Variants in NOL4 observed in about 807,000 individuals in gnomAD.
NOL4 encodes the protein nucleolar protein 4.
NOL4 carries 17 observed loss-of-function variants against 75.9 expected under a neutral mutation model. The ratio of observed to expected loss-of-function variants is 0.22; its 90% CI spans 0.15 to 0.34. The LOEUF (loss-of-function observed/expected upper bound fraction) is 0.34, where lower values mean the gene tolerates loss of function less well. NOL4 is among the 10% of genes least tolerant of loss of function. The pLI, the probability that NOL4 is intolerant of heterozygous loss-of-function variation, is 1.00. For missense variants in NOL4, 614 were observed against 793.5 expected (o/e 0.77, Z 2.72); for synonymous variants, 292 against 289.9 (o/e 1.01, Z -0.07).
intron 6 of NOL4, among the ~76,000 whole-genome samples, chr18:34,002,389 GC>G (rs1299544837): frequency 1.3e-5 from 2 of 151,986 alleles, no homozygotes; most frequent in African/African-American, 4.8e-5. Flanking sequence ...AGAATGCAAA[GC>G]TTCTTTCTTG....
intron 6 of NOL4, among the ~76,000 whole-genome samples, chr18:33,969,706 G>A (rs1439263488): frequency 7.0e-6 from 1 of 143,658 alleles, no homozygotes; most frequent in Non-Finnish European, 1.5e-5. Flanking sequence ...ATCAATTTTG[G>A]ACAAATAAGT....
At chr18:34,175,470 T>G (rs2033460712) in intron 1 of NOL4, among the ~76,000 whole-genome samples, 1 of 152,186 alleles carries the variant, frequency 6.6e-6, no homozygotes, top group Non-Finnish European at 1.5e-5. Flanking sequence ...CTTGAAACTC[T>G]GCAGCATATT....
At chr18:34,164,403 AC>A (rs1402979447) in intron 1 of NOL4, among the ~76,000 whole-genome samples, 5 of 152,198 alleles carry the variant, frequency 3.3e-5, no homozygotes, top group Admixed American at 6.5e-5. Context: ...AAGAAAAAAA[AC>A]AAACAATCCC....
chr18:34,223,194 C>T lies in NOL4; in HGVS notation c.60G>A (p.Gly20=), dbSNP rs1444556172. Residue 20 remains glycine, a synonymous_variant, in exon 1 of 11, where the codon GGG becomes GGA. Transcript: ENST00000261592. ...TCACCGTCTTGGTCTTGCCTGAGTC[C>T]CCGTAAGTCCTGAGGCACCAGTCCT... ...QFQDWCLRTY[G]DSGKTKTVTR... 11 of 1,614,174 alleles carry T rather than the reference C, an allele frequency of 6.8e-6. No individual in the cohort carries two copies. The highest frequency in any genetic ancestry group is 9.3e-6 in the Non-Finnish European group (11 of 1,180,044).
At chr18:34,043,947 C>G (rs1490219678) in intron 5 of NOL4, among the ~76,000 whole-genome samples, 1 of 152,044 alleles carries the variant, frequency 6.6e-6, no homozygotes, top group Non-Finnish European at 1.5e-5. Context: ...TTAGGGGTCT[C>G]TCTCATGGGA....
chr18:34,191,773 C>T lies in NOL4; in HGVS notation c.264+31217G>A, dbSNP rs181163646. ...AAGCTGGAAAAGCAAGTGTGTAGCA[C>T]ATTCAAACTTTACAAAAGGAAGCCG... On this transcript the variant is annotated intron_variant, in intron 1 of 10. Coordinates refer to ENST00000261592, the MANE Select transcript of NOL4 (RefSeq NM_003787.5). Among the ~76,000 whole-genome samples, 9 of 152,218 alleles carry T rather than the reference C, an allele frequency of 5.9e-5. No homozygotes were observed. The East Asian group carries it at 1.5e-3, about 26-fold the overall frequency.
intron 5 of NOL4, among the ~76,000 whole-genome samples, chr18:34,031,683 A>G (rs2075647077): frequency 6.6e-6 from 1 of 152,226 alleles, no homozygotes; most frequent in African/African-American, 2.4e-5. Context: ...AAGTGACAGG[A>G]ACTACCTAAA....
chr18:33,912,564 T>C (rs1270267085), intron 9 of NOL4, among the ~76,000 whole-genome samples: 1 of 152,104 alleles, frequency 6.6e-6, no homozygotes, highest in Non-Finnish European at 1.5e-5. Context: ...AAAGACTGCA[T>C]TTTTTCTACC....
At chr18:33,937,991 T>C (rs1411126363) in intron 9 of NOL4, among the ~76,000 whole-genome samples, 3 of 152,096 alleles carry the variant, frequency 2.0e-5, no homozygotes, top group African/African-American at 4.8e-5. Flanking sequence ...GCCAAAACCT[T>C]GTAAGCAGAG....
chr18:34,217,355 G>A (rs1269065136), intron 1 of NOL4, among the ~76,000 whole-genome samples: 3 of 151,796 alleles, frequency 2.0e-5, no homozygotes, highest in African/African-American at 7.3e-5. Flanking sequence ...TGCGATCTCG[G>A]CTCACTGCAA....
intron 4 of NOL4, among the ~76,000 whole-genome samples, chr18:34,097,726 T>A (rs1266892075): frequency 6.6e-6 from 1 of 152,214 alleles, no homozygotes; most frequent in South Asian, 2.1e-4. Flanking sequence ...AATCCTTTGT[T>A]GTGAAATCTT....
At chr18:34,050,396 T>C (rs776694308) in intron 5 of NOL4, among the ~76,000 whole-genome samples, 1 of 152,142 alleles carries the variant, frequency 6.6e-6, no homozygotes, top group Non-Finnish European at 1.5e-5. Flanking sequence ...CTAAATCATT[T>C]CTTAGTTAAA....
intron 1 of NOL4, among the ~76,000 whole-genome samples, chr18:34,157,687 G>A (rs751186881): frequency 1.4e-4 from 22 of 151,890 alleles, no homozygotes; most frequent in Non-Finnish European, 2.6e-4. Flanking sequence ...GACTGAGAAG[G>A]GACCTTCAAA....
At chr18:33,948,518 T>G (rs1467447469) in intron 8 of NOL4, among the ~76,000 whole-genome samples, 1 of 152,012 alleles carries the variant, frequency 6.6e-6, no homozygotes, top group Admixed American at 6.6e-5. Flanking sequence ...TAAGTCATAC[T>G]GAACTGAATA....
In NOL4 at chr18:34,014,603, A is replaced by G. The variant is rs184521610; in HGVS notation, c.1056+4715T>C. ...GTGTTTGATTGGCCTTTCATTTTCT[A>G]TATAGCTAATCCCTTAACACTTCCT... is the stretch of plus-strand genomic sequence containing the variant. On this transcript the variant is annotated intron_variant, in intron 6 of 10. Transcript: ENST00000261592. Among the ~76,000 whole-genome samples the G allele has an allele frequency of 2.6e-5, 4 of 152,098 alleles. 1 individual carries two copies. Among genetic ancestry groups the G allele is most frequent in the Admixed American group, 2.6e-4 (4 of 15,234 alleles).
intron 2 of NOL4, among the ~76,000 whole-genome samples, chr18:34,128,240 C>T (rs1439545674): frequency 6.6e-6 from 1 of 151,788 alleles, no homozygotes; most frequent in African/African-American, 2.4e-5. Context: ...CTTTTGGCAC[C>T]TAAACAGATT....
In NOL4 at chr18:34,224,826, C is replaced by A. The variant is rs948980755; in HGVS notation, c.-1573G>T. 46 of 154,842 alleles carry A rather than the reference C, an allele frequency of 3.0e-4. No homozygotes were observed. The highest frequency in any genetic ancestry group is 9.8e-4 in the African/African-American group (41 of 41,630). 9.6% of individuals were successfully genotyped at this position (154,842 alleles called of 1,614,324 possible). A position where few individuals can be genotyped will look rare whatever the true frequency, so the allele number is the denominator to read the frequency against. On this transcript the variant is annotated 5_prime_UTR_variant, in exon 1 of 11. Coordinates refer to ENST00000261592, the MANE Select transcript of NOL4 (RefSeq NM_003787.5). ...GGGTGTGCGGTGTGCAGGGGGTGCG[C>A]TGTGTGTGCGCGCGTCTCCGGGAAG...
At chr18:34,202,105 T>C (rs572387468) in intron 1 of NOL4, among the ~76,000 whole-genome samples, 28 of 152,008 alleles carry the variant, frequency 1.8e-4, no homozygotes, top group African/African-American at 6.3e-4. Flanking sequence ...AACAACAAAG[T>C]TTATTTCAAT....
chr18:33,999,117 C>CT (rs545231704), intron 6 of NOL4, among the ~76,000 whole-genome samples: 37 of 148,300 alleles, frequency 2.5e-4, no homozygotes, highest in Non-Finnish European at 5.1e-4. Flanking sequence ...TCCCTCAACA[C>CT]TTTTTTTTGA....
Sources: gnomAD v4.1 joint callset for allele counts (sites outside exome capture counted in the v4.1 genomes callset) on GRCh38, gnomAD v4.1.1 for gene constraint, MANE v1.5 for transcripts, NCBI Gene and HGNC (gene_info 2026-07-23, HGNC 2026-07-21) for gene names.